Variants in RAB5B observed in about 807,000 individuals in gnomAD.
RAB5B encodes the protein ras-related protein Rab-5B.
RAB5B carries 11 observed loss-of-function variants against 28.6 expected under a neutral mutation model. The ratio of observed to expected loss-of-function variants is 0.38; its 90% CI spans 0.24 to 0.64. RAB5B has a LOEUF of 0.64. Ranked by LOEUF, RAB5B falls within the 30% of genes least tolerant of loss-of-function variation. The pLI, the probability that RAB5B is intolerant of heterozygous loss-of-function variation, is 0.53. For synonymous variants in RAB5B, 93 were observed against 97.9 expected, an observed-to-expected ratio of 0.95 and a Z score of 0.29; for missense variants, 169 against 265.6, an observed-to-expected ratio of 0.64 and a Z score of 2.53.
At chr12:55,984,019 C>T (rs1270813816) in intron 1 of RAB5B, among the ~76,000 whole-genome samples, 2 of 151,654 alleles carry the variant, frequency 1.3e-5, no homozygotes, top group African/African-American at 2.4e-5. Flanking sequence ...TCCCTGCCCC[C>T]GATCTCCCCC....
chr12:55,980,044 G>A (rs1031788622), intron 1 of RAB5B, among the ~76,000 whole-genome samples: 1 of 152,092 alleles, frequency 6.6e-6, no homozygotes, highest in Admixed American at 6.6e-5. Context: ...AAATTCCCTA[G>A]TGTAGTGCCG....
In RAB5B at chr12:55,986,758, G is replaced by C. The variant is rs533143887; in HGVS notation, c.-92-111G>C. 22 of 597,082 alleles carry C rather than the reference G, an allele frequency of 3.7e-5. 1 individual carries two copies. The South Asian group carries it at 3.9e-4, about 11-fold the overall frequency. 37.0% of individuals were successfully genotyped at this position (597,082 alleles called of 1,614,324 possible). A position where few individuals can be genotyped will look rare whatever the true frequency, so the allele number is the denominator to read the frequency against. ...GGATCAGCTGCCTGGGACCTTCTCA[G>C]AGCTAAGTCCTCATAGAAGCAAGGA... On this transcript the variant is annotated intron_variant, in intron 1 of 5. Coordinates refer to ENST00000360299, the MANE Select transcript of RAB5B (RefSeq NM_002868.4).
chr12:55,980,364 C>A (rs999004016), intron 1 of RAB5B: 19 of 1,348,030 alleles, frequency 1.4e-5, no homozygotes, highest in Non-Finnish European at 1.9e-5. Flanking sequence ...CTGCTCACTC[C>A]CTCTGCTGTT....
Position 55,990,026 on chromosome 12 carries a change from A to G in RAB5B, c.243A>G (p.Arg81=), listed in dbSNP as rs763649609. 5.6e-6 allele frequency: 9 copies of G among 1,614,032 alleles called. No homozygotes were observed. The South Asian group carries it at 7.7e-5, about 14-fold the overall frequency. Residue 81 remains arginine (R), a synonymous_variant, in exon 3 of 6, where the codon CGA becomes CGG. Transcript: ENST00000360299. ...FEIWDTAGQE[R]YHSLAPMYYR... is the part of the protein sequence containing the mutation. ...TCTGGGACACAGCTGGGCAGGAGCG[A>G]TATCACAGCTTAGCCCCCATGTACT...
At chr12:55,980,510 C>T in intron 1 of RAB5B, 1 of 1,588,118 alleles carries the variant, frequency 6.3e-7, no homozygotes, top group Non-Finnish European at 8.6e-7. Context: ...TGATCTCCGG[C>T]CTCCTGACTT....
intron 1 of RAB5B, among the ~76,000 whole-genome samples, chr12:55,974,556 G>A (rs1408337883): frequency 1.3e-5 from 2 of 152,328 alleles, no homozygotes; most frequent in Non-Finnish European, 2.9e-5. Flanking sequence ...GACTGGGGCT[G>A]GGTCCCTGCA....
chr12:55,986,479 C>T (rs931892467), intron 1 of RAB5B, among the ~76,000 whole-genome samples: 2 of 152,008 alleles, frequency 1.3e-5, no homozygotes, highest in Non-Finnish European at 2.9e-5. Flanking sequence ...GAGCACAGCA[C>T]CAGGATGCCA....
rs1230859974 is a variant in RAB5B at position 55,991,259 on chromosome 12, G to A, written c.439-101G>A. ...CAAAGGGGTATTAATTAAGGGGAGG[G>A]AACCTAGGATTTTGCCTAGCTGTTG... On this transcript the variant is annotated intron_variant, in intron 4 of 5. Transcript: ENST00000360299. 67 of 824,252 alleles carry A rather than the reference G, an allele frequency of 8.1e-5. 1 individual carries two copies. The Admixed American group carries it at 1.4e-3, about 17-fold the overall frequency. The allele number at this position is 824,252 out of a possible 1,614,324, so 51.1% of individuals were successfully genotyped here. A position where few individuals can be genotyped will look rare whatever the true frequency, so the allele number is the denominator to read the frequency against.
At chr12:55,978,704 G>C (rs1020331832) in intron 1 of RAB5B, among the ~76,000 whole-genome samples, 1 of 151,836 alleles carries the variant, frequency 6.6e-6, no homozygotes, top group Non-Finnish European at 1.5e-5. Context: ...GAAGTTCATA[G>C]TTTAGCAGAG....
intron 1 of RAB5B, among the ~76,000 whole-genome samples, chr12:55,983,946 C>T (rs750352340): frequency 4.6e-5 from 7 of 152,096 alleles, no homozygotes; most frequent in Admixed American, 3.3e-4. Context: ...AGGCATGGGC[C>T]GCTCTGCCAG....
chr12:55,991,135 C>G, intron 4 of RAB5B: 1 of 552,950 alleles, frequency 1.8e-6, no homozygotes, highest in East Asian at 3.0e-5. Context: ...TACCCTCTCC[C>G]CTATAATTAA....
At chr12:55,983,251 G>GTT (rs1222224786) in intron 1 of RAB5B, among the ~76,000 whole-genome samples, 4 of 151,960 alleles carry the variant, frequency 2.6e-5, no homozygotes, top group Admixed American at 2.6e-4. Flanking sequence ...GCTAATTTTT[G>GTT]TATTTTTTAG....
intron 4 of RAB5B, 66 bp from the exon 5 acceptor site, chr12:55,991,294 G>A: frequency 8.1e-7 from 1 of 1,232,420 alleles, no homozygotes; most frequent in Non-Finnish European, 1.2e-6. Context: ...GTGCTGCATG[G>A]GAGTGGAAAG....
At chr12:55,981,713 G>A in intron 1 of RAB5B, among the ~76,000 whole-genome samples, 1 of 151,890 alleles carries the variant, frequency 6.6e-6, no homozygotes, top group South Asian at 2.1e-4. Flanking sequence ...TCCTCCATGG[G>A]TCTCCTGCAT....
intron 1 of RAB5B, among the ~76,000 whole-genome samples, chr12:55,984,836 A>G (rs896306878): frequency 3.3e-5 from 5 of 152,222 alleles, no homozygotes; most frequent in African/African-American, 4.8e-5. Flanking sequence ...TTTAATAGCT[A>G]TTAGCACTAT....
At chr12:55,977,157 T>TG (rs1889668295) in intron 1 of RAB5B, among the ~76,000 whole-genome samples, 2 of 152,208 alleles carry the variant, frequency 1.3e-5, no homozygotes, top group African/African-American at 4.8e-5. Context: ...GTATTATTAG[T>TG]AGAGACGGGA....
At chr12:55,991,174 G>A in intron 4 of RAB5B, 186 bp from the exon 5 acceptor site, 2 of 576,962 alleles carry the variant, frequency 3.5e-6, no homozygotes, top group East Asian at 2.9e-5. Flanking sequence ...GTTGGACTGA[G>A]TGGACATGGG....
chr12:55,981,139 C>T (rs1409656089), intron 1 of RAB5B: 18 of 922,518 alleles, frequency 2.0e-5, no homozygotes, highest in Non-Finnish European at 2.5e-5. Context: ...TCTCGGCTCA[C>T]TGCTACCTCT....
chr12:55,982,049 A>C (rs1006496890), intron 1 of RAB5B, among the ~76,000 whole-genome samples: 2 of 151,880 alleles, frequency 1.3e-5, no homozygotes, highest in Non-Finnish European at 2.9e-5. Flanking sequence ...TGATCCGCCC[A>C]CCTCAGCCTC....
Sources: allele counts gnomAD v4.1 joint callset (sites outside exome capture counted in the v4.1 genomes callset), GRCh38; gene constraint gnomAD v4.1.1; transcripts MANE v1.5; gene names NCBI Gene and HGNC (gene_info 2026-07-23, HGNC 2026-07-21).